The following C13orf42 variants were observed in gnomAD, a reference collection of about 807,000 sequenced individuals.
The protein encoded by C13orf42 is uncharacterized protein C13orf42.
At chr13:51,128,389 G>C (rs1457865433) in intron 1 of C13orf42, among the ~76,000 whole-genome samples, 1 of 152,174 alleles carries the variant, frequency 6.6e-6, no homozygotes, top group South Asian at 2.1e-4. Context: ...ATGACACTGA[G>C]GAGAACCCCA....
intron 1 of C13orf42, among the ~76,000 whole-genome samples, chr13:51,096,814 G>A (rs543022137): frequency 2.0e-5 from 3 of 151,806 alleles, no homozygotes; most frequent in South Asian, 4.2e-4. Context: ...TTTTCTTTTT[G>A]CTTTAATATT....
At chr13:51,135,062 C>T (rs1423005309) in intron 1 of C13orf42, among the ~76,000 whole-genome samples, 1 of 152,224 alleles carries the variant, frequency 6.6e-6, no homozygotes, top group African/African-American at 2.4e-5. Flanking sequence ...CTCACCCAAC[C>T]TCTTGAACCC....
At chr13:51,086,328 A>C (rs1206181987) in intron 2 of C13orf42, among the ~76,000 whole-genome samples, 5 of 105,518 alleles carry the variant, frequency 4.7e-5, no homozygotes, top group South Asian at 5.8e-4. Flanking sequence ...AAAAAAAAAC[A>C]AAAAAAAAAA....
chr13:51,132,766 GA>G (rs1953627453), intron 1 of C13orf42, among the ~76,000 whole-genome samples: 1 of 152,128 alleles, frequency 6.6e-6, no homozygotes, highest in Non-Finnish European at 1.5e-5. Flanking sequence ...ATGACGCTGA[GA>G]CCTGCTGGGC....
intron 1 of C13orf42, among the ~76,000 whole-genome samples, chr13:51,136,870 C>T (rs1194524333): frequency 2.0e-5 from 3 of 152,198 alleles, no homozygotes; most frequent in African/African-American, 7.2e-5. Flanking sequence ...TGCCAAGCAC[C>T]GGGAATATAG....
upstream of C13orf42, among the ~76,000 whole-genome samples, chr13:51,114,635 GAT>G (rs1180075114): frequency 0.044 from 4,445 of 102,174 alleles, 215 homozygotes; most frequent in African/African-American, 0.13. Flanking sequence ...TAGATAGATA[GAT>G]AGATAGATAG....
chr13:51,143,589 C>G (rs1425576480), intron 1 of C13orf42, among the ~76,000 whole-genome samples: 1 of 152,182 alleles, frequency 6.6e-6, no homozygotes, highest in Non-Finnish European at 1.5e-5. Flanking sequence ...TCTCCTCTCT[C>G]AAAGAATGAA....
chr13:51,160,248 C>A (rs762563473), intron 1 of C13orf42, among the ~76,000 whole-genome samples: 1 of 152,220 alleles, frequency 6.6e-6, no homozygotes, highest in Non-Finnish European at 1.5e-5. Context: ...AATGGTGGCT[C>A]ACGCCTGGAA....
chr13:51,089,053 G>A (rs1953157313), intron 1 of C13orf42, among the ~76,000 whole-genome samples: 1 of 152,122 alleles, frequency 6.6e-6, no homozygotes, highest in African/African-American at 2.4e-5. Context: ...GAGGAAAAAA[G>A]GGACAGATGT....
chr13:51,095,548 A>T (rs1953224920), intron 1 of C13orf42, among the ~76,000 whole-genome samples: 1 of 149,916 alleles, frequency 6.7e-6, no homozygotes, highest in Non-Finnish European at 1.5e-5. Flanking sequence ...TTTTTTTTTT[A>T]ACTATATCTT....
chr13:51,170,725 G>A (rs1158260321), intron 1 of C13orf42, among the ~76,000 whole-genome samples: 12 of 152,148 alleles, frequency 7.9e-5, no homozygotes, highest in Admixed American at 7.9e-4. Context: ...TTTCAAGGGT[G>A]TCAGACCACG....
intron 1 of C13orf42, among the ~76,000 whole-genome samples, chr13:51,142,819 A>T (rs1953706137): frequency 6.6e-6 from 1 of 152,090 alleles, no homozygotes. Context: ...AGAATCTTCT[A>T]TGGTAAATTT....
intron 1 of C13orf42, among the ~76,000 whole-genome samples, chr13:51,158,710 C>T (rs1156333984): frequency 6.6e-6 from 1 of 152,224 alleles, no homozygotes; most frequent in Non-Finnish European, 1.5e-5. Flanking sequence ...CTGAACGACT[C>T]GCAGTAACCC....
Position 51,085,502 on chromosome 13 carries a change from C to T in C13orf42, c.620G>A (p.Arg207His), listed in dbSNP as rs1274023608. ...GGCAGCGATATCCTCGGAGTGTCTG[C>T]GCGGTGCCCGCAGGATCCAGTTAGA... ...LHSNWILRAPRRHSEDIAAHT... is the reference protein window; with the variant it reads ...LHSNWILRAPHRHSEDIAAHT... Residue 207 changes from arginine to histidine, a missense_variant, in exon 3 of 4, where the codon CGC becomes CAC. Arg to His is a conservative substitution (Grantham distance 29, BLOSUM62 0). Coordinates refer to ENST00000563710, the MANE Select transcript of C13orf42 (RefSeq NM_001351589.3). 1.8e-5 allele frequency: 7 copies of T among 398,528 alleles called. No homozygotes were observed. Among genetic ancestry groups the T allele is most frequent in the Admixed American group, 8.8e-5 (2 of 22,720 alleles). 24.7% of individuals were successfully genotyped at this position (398,528 alleles called of 1,614,324 possible). A position where few individuals can be genotyped will look rare whatever the true frequency, so the allele number is the denominator to read the frequency against.
intron 1 of C13orf42, among the ~76,000 whole-genome samples, chr13:51,154,568 C>G (rs540271603): frequency 6.6e-6 from 1 of 152,314 alleles, no homozygotes; most frequent in East Asian, 1.9e-4. Context: ...CAGAGTGGAG[C>G]AAGCGAGAAA....
At chr13:51,159,531 C>T (rs1450792165) in intron 1 of C13orf42, among the ~76,000 whole-genome samples, 1 of 152,260 alleles carries the variant, frequency 6.6e-6, no homozygotes, top group Non-Finnish European at 1.5e-5. Context: ...GTTGAATTTT[C>T]GTTGACTTTC....
chr13:51,148,035 TC>T (rs1055636958), intron 1 of C13orf42, among the ~76,000 whole-genome samples: 1 of 151,898 alleles, frequency 6.6e-6, no homozygotes, highest in African/African-American at 2.4e-5. Flanking sequence ...TGGTGGACCC[TC>T]CCCCAACACA....
intron 1 of C13orf42, among the ~76,000 whole-genome samples, chr13:51,100,171 T>TA (rs1292935974): frequency 9.5e-4 from 143 of 150,508 alleles, no homozygotes; most frequent in Middle Eastern, 6.8e-3. Flanking sequence ...TGGTTTTTTT[T>TA]AAAAAAAAAG....
At position 51,088,821 on chromosome 13, in the gene C13orf42, G is replaced by C. The variant is rs113677747; in HGVS notation, c.415-746C>G. Among the ~76,000 whole-genome samples the C allele has an allele frequency of 4.3e-3, 660 of 152,274 alleles. 7 individuals carry two copies. The highest frequency in any genetic ancestry group is 0.015 in the African/African-American group (639 of 41,544). On this transcript the variant is annotated intron_variant, in intron 1 of 3. Coordinates refer to ENST00000563710, the MANE Select transcript of C13orf42 (RefSeq NM_001351589.3). Reference sequence around the variant, plus strand: ...AGTACAAGGAATAATAAAATAGAGAGTTTCAAGAATCTATTCAGTAGCTTA... The same window carrying C: ...AGTACAAGGAATAATAAAATAGAGACTTTCAAGAATCTATTCAGTAGCTTA...
Sources: allele counts gnomAD v4.1 joint callset (sites outside exome capture counted in the v4.1 genomes callset), GRCh38; gene constraint gnomAD v4.1.1; transcripts MANE v1.5; gene names NCBI Gene and HGNC (gene_info 2026-07-23, HGNC 2026-07-21).